BORCS5: variants seen among roughly 807,000 people sequenced by gnomAD.
BORCS5 encodes BLOC-1-related complex subunit 5.
A neutral mutation model predicts 22.1 loss-of-function variants in BORCS5; 17 were observed. The ratio of observed to expected loss-of-function variants is 0.77; its 90% CI spans 0.53 to 1.15. The LOEUF (loss-of-function observed/expected upper bound fraction) is 1.15. Among genes scored for constraint, BORCS5 ranks in the 50% most tolerant of loss-of-function variants. The probability of loss-of-function intolerance (pLI) is 0.00; values close to 1 mark genes in which losing one functional copy is unlikely to be tolerated. For synonymous variants in BORCS5, 117 were observed against 99.8 expected, an observed-to-expected ratio of 1.17 and a Z score of -1.03; for missense variants, 247 against 253.2, an observed-to-expected ratio of 0.98 and a Z score of 0.17.
rs998768629 is a variant in BORCS5, at chr12:12,384,779, G to A, written c.202+23430G>A. On this transcript the variant is annotated intron_variant, in intron 2 of 3. Coordinates refer to ENST00000314565, the MANE Select transcript of BORCS5 (RefSeq NM_058169.6). Reference sequence around the variant, plus strand: ...AGGGATTCTGGAAGGGCTCAGCTGGGCAGTTCTGACTTTGTTATGCAGCTG... The same window carrying A: ...AGGGATTCTGGAAGGGCTCAGCTGGACAGTTCTGACTTTGTTATGCAGCTG... Among the ~76,000 whole-genome samples, 13 of 151,294 alleles carry A rather than the reference G, an allele frequency of 8.6e-5. No homozygotes were observed. The East Asian group carries it at 2.5e-3, about 29-fold the overall frequency.
intron 2 of BORCS5, among the ~76,000 whole-genome samples, chr12:12,414,759 G>A (rs1941881778): frequency 1.5e-5 from 2 of 134,442 alleles, no homozygotes; most frequent in African/African-American, 2.9e-5. Context: ...CAGACGGGGT[G>A]GCTGCCGGAC....
At chr12:12,438,374 A>AAAAAAAAAAAAAAAAAACAAAAAAC (rs1555156024) in intron 3 of BORCS5, among the ~76,000 whole-genome samples, 13 of 125,028 alleles carry the variant, frequency 1.0e-4, no homozygotes, top group Non-Finnish European at 1.7e-4. Context: ...AAAAAAAAAA[A>AAAAAAAAAAAAAAAAAACAAAAAAC]AAAAAACGAA....
At chr12:12,438,371 A>AAAAAAAAAACAAAAAAAAAC (rs1942604022) in intron 3 of BORCS5, among the ~76,000 whole-genome samples, 4 of 117,054 alleles carry the variant, frequency 3.4e-5, no homozygotes, top group African/African-American at 1.3e-4. Flanking sequence ...AAAAAAAAAA[A>AAAAAAAAAACAAAAAAAAAC]AAAAAAAAAC....
Position 12,467,065 on chromosome 12 carries a change from A to T in BORCS5, c.*1289A>T, listed in dbSNP as rs1215849063. The stretch of plus-strand genomic sequence containing the variant: ...CGCCTCAGACTCCTGAGTAGCTGGG[A>T]TTACAGGTGTGTGCCACCAAATCCA... On this transcript the variant is annotated 3_prime_UTR_variant, in exon 4 of 4. Coordinates refer to ENST00000314565, the MANE Select transcript of BORCS5 (RefSeq NM_058169.6). The T allele has an allele frequency of 6.6e-6, 1 of 152,228 alleles. No individual in the cohort carries two copies. Among genetic ancestry groups the T allele is most frequent in the African/African-American group, 2.4e-5 (1 of 41,446 alleles). 9.4% of individuals were successfully genotyped at this position (152,228 alleles called of 1,614,324 possible).
chr12:12,374,827 G>A (rs994357054), intron 2 of BORCS5, among the ~76,000 whole-genome samples: 5 of 151,172 alleles, frequency 3.3e-5, no homozygotes, highest in African/African-American at 9.7e-5. Context: ...GCGTGGTGGC[G>A]CACAGCTGTA....
intron 2 of BORCS5, among the ~76,000 whole-genome samples, chr12:12,423,494 C>A (rs1049522044): frequency 1.0e-4 from 12 of 118,410 alleles, no homozygotes; most frequent in African/African-American, 3.8e-4. Context: ...ATTTCTCCCT[C>A]ATTTTTGAAG....
intron 2 of BORCS5, among the ~76,000 whole-genome samples, chr12:12,415,103 G>A (rs1427538718): frequency 6.6e-6 from 1 of 150,968 alleles, no homozygotes; most frequent in Non-Finnish European, 1.5e-5. Context: ...TATCCCAGAC[G>A]ATGGGGGGCC....
chr12:12,362,636 CTTTT>C (rs71436712), intron 2 of BORCS5, among the ~76,000 whole-genome samples: 2 of 57,554 alleles, frequency 3.5e-5, no homozygotes, highest in African/African-American at 1.1e-4. Context: ...TGTTACTCAT[CTTTT>C]TTTTTTTTTT....
In BORCS5 at chr12:12,465,831, G is replaced by C. The variant is rs1033087891; in HGVS notation, c.*55G>C. ...CCCCAGACACCGACACCCTGAGGAC[G>C]TGTGGAGCTAAGGTCATATCATCTG... On this transcript the variant is annotated 3_prime_UTR_variant, in exon 4 of 4. Coordinates refer to ENST00000314565, the MANE Select transcript of BORCS5 (RefSeq NM_058169.6). 3 of 1,473,898 alleles carry C rather than the reference G, an allele frequency of 2.0e-6. No homozygotes were observed. The highest frequency in any genetic ancestry group is 2.3e-5 in the South Asian group (2 of 85,162). The allele number at this position is 1,473,898 out of a possible 1,614,324, so 91.3% of individuals were successfully genotyped here.
rs192412299 is a variant in BORCS5 at position 12,359,994 on chromosome 12, A to G, written c.59-1212A>G. Among the ~76,000 whole-genome samples the G allele has an allele frequency of 1.6e-3, 250 of 152,292 alleles. 3 individuals are homozygous for G. The highest frequency in any genetic ancestry group is 5.9e-3 in the African/African-American group (244 of 41,566). On this transcript the variant is annotated intron_variant, in intron 1 of 3. Transcript: ENST00000314565. ...ATAGCAGGAGAATTAAAGAGAAAGT[A>G]AAAACAATCTGCCTATACTTTTGTG...
rs1217983840 is a variant in BORCS5 at position 12,459,881 on chromosome 12, C to A, written c.361-5665C>A. Among the ~76,000 whole-genome samples, 8 of 152,266 alleles carry A rather than the reference C, an allele frequency of 5.3e-5. No individual in the cohort carries two copies. The East Asian group carries it at 1.5e-3, about 29-fold the overall frequency. On this transcript the variant is annotated intron_variant, in intron 3 of 3. Transcript: ENST00000314565. Reference sequence around the variant, plus strand: ...TATTTTTAGATCATTTTTACACTGTCTTTTGTTTTATGGATCTGTGTGTCT... The same window carrying A: ...TATTTTTAGATCATTTTTACACTGTATTTTGTTTTATGGATCTGTGTGTCT...
intron 1 of BORCS5, among the ~76,000 whole-genome samples, chr12:12,359,095 T>G (rs924435816): frequency 1.3e-5 from 2 of 152,218 alleles, no homozygotes; most frequent in African/African-American, 2.4e-5. Context: ...GGATGATTTC[T>G]TGGTCTAGGG....
At chr12:12,458,132 T>C (rs925279482) in intron 3 of BORCS5, among the ~76,000 whole-genome samples, 1 of 152,188 alleles carries the variant, frequency 6.6e-6, no homozygotes, top group Non-Finnish European at 1.5e-5. Context: ...TTGTTTTGTT[T>C]TGTTTTGTTT....
chr12:12,360,600 A>G (rs1863259612), intron 1 of BORCS5, among the ~76,000 whole-genome samples: 1 of 124,960 alleles, frequency 8.0e-6, no homozygotes, highest in Non-Finnish European at 1.6e-5. Context: ...TTTTAGAGAT[A>G]GGGTCTCACT....
At position 12,396,634 on chromosome 12, in the gene BORCS5, G is replaced by C. The variant is rs191730521; in HGVS notation, c.202+35285G>C. ...GTACGCTAAAACTCTTGGAGGGAGT[G>C]GGGGGTGGGGGTTATAAATCTTTAT... On this transcript the variant is annotated intron_variant, in intron 2 of 3. Coordinates refer to ENST00000314565, the MANE Select transcript of BORCS5 (RefSeq NM_058169.6). Among the ~76,000 whole-genome samples the C allele has an allele frequency of 1.1e-3, 168 of 152,134 alleles. 1 individual carries two copies. The highest frequency in any genetic ancestry group is 4.0e-3 in the African/African-American group (164 of 41,494).
intron 2 of BORCS5, among the ~76,000 whole-genome samples, chr12:12,404,815 C>T (rs2136077472): frequency 6.6e-6 from 1 of 152,324 alleles, no homozygotes; most frequent in African/African-American, 2.4e-5. Flanking sequence ...TCTCCTGCCT[C>T]AGCCTCCCAA....
chr12:12,377,339 T>C (rs1182092494), intron 2 of BORCS5, among the ~76,000 whole-genome samples: 2 of 151,980 alleles, frequency 1.3e-5, no homozygotes, highest in African/African-American at 4.8e-5. Context: ...CCACCATGCC[T>C]GGCTAATTTT....
At chr12:12,436,440 C>T (rs1189344946) in intron 3 of BORCS5, among the ~76,000 whole-genome samples, 1 of 152,220 alleles carries the variant, frequency 6.6e-6, no homozygotes, top group Non-Finnish European at 1.5e-5. Flanking sequence ...TGACCAGCTG[C>T]TGCACAGCAC....
chr12:12,433,631 A>G (rs927520918), intron 2 of BORCS5, among the ~76,000 whole-genome samples: 2 of 152,186 alleles, frequency 1.3e-5, no homozygotes, highest in African/African-American at 4.8e-5. Flanking sequence ...GATCTCAATA[A>G]AAATTTCAAT....
Sources: allele counts gnomAD v4.1 joint callset (sites outside exome capture counted in the v4.1 genomes callset), GRCh38; gene constraint gnomAD v4.1.1; transcripts MANE v1.5; gene names NCBI Gene and HGNC (gene_info 2026-07-23, HGNC 2026-07-21).